SIPA1L1: variants seen among roughly 807,000 people sequenced by gnomAD.
SIPA1L1 encodes signal induced proliferation associated 1 like 1, also known as signal-induced proliferation-associated 1-like protein 1.
SIPA1L1 carries 26 observed loss-of-function variants against 162.7 expected under a neutral mutation model. That is an observed-to-expected ratio of 0.16 (90% CI 0.12 to 0.22). The LOEUF is 0.22. SIPA1L1 is among the 10% of genes least tolerant of loss of function. The pLI is 1.00. For synonymous variants in SIPA1L1, 829 were observed against 837.4 expected, an observed-to-expected ratio of 0.99 and a Z score of 0.17; for missense variants, 1,874 against 2,241.0, an observed-to-expected ratio of 0.84 and a Z score of 3.31.
intron 2 of SIPA1L1, chr14:71,418,207 T>C (rs2042942582): frequency 6.6e-6 from 1 of 152,280 alleles, no homozygotes; most frequent in East Asian, 1.9e-4. Flanking sequence ...GTAAGAGGTA[T>C]TTGAATTAAG....
chr14:71,688,076 C>T (rs548396279), intron 13 of SIPA1L1, among the ~76,000 whole-genome samples: 1 of 152,198 alleles, frequency 6.6e-6, no homozygotes, highest in East Asian at 1.9e-4. Flanking sequence ...GGATATTCTT[C>T]TTTTATGAAA....
At chr14:71,712,706 G>A (rs576044519) in intron 17 of SIPA1L1, among the ~76,000 whole-genome samples, 1 of 152,306 alleles carries the variant, frequency 6.6e-6, no homozygotes, top group South Asian at 2.1e-4. Flanking sequence ...TAGACCTGCT[G>A]ACCAATGCTG....
At chr14:71,374,694 GTTT>G (rs35302982) in intron 2 of SIPA1L1, among the ~76,000 whole-genome samples, 1 of 139,200 alleles carries the variant, frequency 7.2e-6, no homozygotes. Flanking sequence ...CGTTTTGAAA[GTTT>G]TTTTTTTTTT....
At chr14:71,668,518 T>G (rs1300914621) in intron 10 of SIPA1L1, among the ~76,000 whole-genome samples, 2 of 152,116 alleles carry the variant, frequency 1.3e-5, no homozygotes, top group Non-Finnish European at 2.9e-5. Flanking sequence ...GATTTTGGAG[T>G]GAGAAGATAT....
chr14:71,397,210 C>T (rs564422930), intron 2 of SIPA1L1, among the ~76,000 whole-genome samples: 1 of 152,278 alleles, frequency 6.6e-6, no homozygotes, highest in South Asian at 2.1e-4. Flanking sequence ...TTCTCCAGTC[C>T]TTCAAGCCAA....
rs1229743675 is a variant in SIPA1L1 at position 71,709,224 on chromosome 14, T to C, written c.3768T>C (p.Ser1256=). The C allele has an allele frequency of 8.7e-6, 14 of 1,608,846 alleles. No homozygotes were observed. The East Asian group carries it at 3.1e-4, about 36-fold the overall frequency. The change falls in exon 17 of 24, where the codon TCT becomes TCC. Residue 1256 remains serine (S), a splice_region_variant and synonymous_variant. Coordinates refer to ENST00000381232, the MANE Select transcript of SIPA1L1 (RefSeq NM_001386936.1). ...AATAAATTCTGCTTCTCTTGCAGTC[T>C]GATAGCCACTACTCGAGCCACTCCA... The part of the protein sequence containing the change: ...VHLSPNKQGH[S]DSHYSSHSSS...
rs569587628 is a variant in SIPA1L1, at chr14:71,572,823, T to C, written c.-302-14748T>C. Among the ~76,000 whole-genome samples, 15 of 152,296 alleles carry C rather than the reference T, an allele frequency of 9.8e-5. No homozygotes were observed. In the East Asian group the frequency reaches 2.9e-3, roughly 29 times the overall value. On this transcript the variant is annotated intron_variant, in intron 4 of 23. Transcript: ENST00000381232. ...AAACTGTTACTAAGTTCGGGAAAAG[T>C]AAAGTAAGCAACTGAGCAAATATAG...
chr14:71,668,989 G>A (rs555354829), intron 10 of SIPA1L1, among the ~76,000 whole-genome samples: 1 of 152,182 alleles, frequency 6.6e-6, no homozygotes, highest in African/African-American at 2.4e-5. Flanking sequence ...ATTATCAAGA[G>A]TTCAGAATTT....
intron 2 of SIPA1L1, among the ~76,000 whole-genome samples, chr14:71,422,963 A>C (rs777770820): frequency 6.6e-6 from 1 of 152,178 alleles, no homozygotes; most frequent in Non-Finnish European, 1.5e-5. Context: ...CAAAGATTCC[A>C]GTTTCTTCAC....
chr14:71,543,559 T>C (rs538374406), intron 4 of SIPA1L1, among the ~76,000 whole-genome samples: 3 of 152,328 alleles, frequency 2.0e-5, no homozygotes, highest in South Asian at 2.1e-4. Flanking sequence ...TTTGGTATTA[T>C]CAGTTTTTAA....
intron 4 of SIPA1L1, among the ~76,000 whole-genome samples, chr14:71,529,602 T>C (rs1013975697): frequency 6.6e-6 from 1 of 152,244 alleles, no homozygotes; most frequent in Non-Finnish European, 1.5e-5. Context: ...CTCAGGCTAT[T>C]GCCTGTAAAT....
intron 2 of SIPA1L1, among the ~76,000 whole-genome samples, chr14:71,365,880 C>T (rs1007087758): frequency 1.4e-5 from 2 of 144,338 alleles, no homozygotes; most frequent in Admixed American, 7.1e-5. Context: ...TGTCTGCCAA[C>T]ATGCCTGGTT....
At chr14:71,432,544 G>A (rs1200590841) in intron 2 of SIPA1L1, among the ~76,000 whole-genome samples, 1 of 152,120 alleles carries the variant, frequency 6.6e-6, no homozygotes, top group East Asian at 1.9e-4. Flanking sequence ...TTATAGTAAT[G>A]TATTTATGTT....
At chr14:71,522,356 T>C (rs1432214300) in intron 3 of SIPA1L1, among the ~76,000 whole-genome samples, 1 of 152,202 alleles carries the variant, frequency 6.6e-6, no homozygotes, top group Non-Finnish European at 1.5e-5. Context: ...AGGATTGGTG[T>C]GTCATTTATA....
intron 10 of SIPA1L1, among the ~76,000 whole-genome samples, chr14:71,670,486 C>T (rs982397517): frequency 1.3e-5 from 2 of 152,134 alleles, no homozygotes; most frequent in African/African-American, 4.8e-5. Context: ...AGCGTTGTTG[C>T]TATTACATAA....
chr14:71,331,539 TAC>T (rs1421637042), intron 2 of SIPA1L1, among the ~76,000 whole-genome samples: 6 of 152,206 alleles, frequency 3.9e-5, no homozygotes, highest in Non-Finnish European at 8.8e-5. Flanking sequence ...CTTTCACACA[TAC>T]AGAGTCCAGT....
chr14:71,614,057 A>G (rs1321789977), intron 5 of SIPA1L1, among the ~76,000 whole-genome samples: 1 of 152,030 alleles, frequency 6.6e-6, no homozygotes, highest in Non-Finnish European at 1.5e-5. Context: ...AAAATTAGCT[A>G]GGCGTGGTGG....
At chr14:71,582,879 C>A (rs1027905063) in intron 4 of SIPA1L1, among the ~76,000 whole-genome samples, 11 of 152,088 alleles carry the variant, frequency 7.2e-5, no homozygotes, top group African/African-American at 2.7e-4. Flanking sequence ...TTAAATTATC[C>A]ATGACATTGC....
intron 20 of SIPA1L1, 51 bp downstream of exon 20, chr14:71,730,352 T>G (rs2084652164): frequency 6.2e-7 from 1 of 1,601,186 alleles, no homozygotes; most frequent in African/African-American, 1.3e-5. Flanking sequence ...TGATGGTCAG[T>G]GTCCCCAGAC....
Sources: gnomAD v4.1 joint callset for allele counts (sites outside exome capture counted in the v4.1 genomes callset) on GRCh38, gnomAD v4.1.1 for gene constraint, MANE v1.5 for transcripts, NCBI Gene and HGNC (gene_info 2026-07-23, HGNC 2026-07-21) for gene names.